FBXL2: variants seen among roughly 807,000 people sequenced by gnomAD.
FBXL2 encodes the protein F-box and leucine rich repeat protein 2, also known as F-box/LRR-repeat protein 2.
FBXL2 carries 38 observed loss-of-function variants against 69.2 expected under a neutral mutation model. That is an observed-to-expected ratio of 0.55 (90% CI 0.42 to 0.72). FBXL2 has a LOEUF of 0.72. FBXL2 is among the 30% of genes least tolerant of loss of function. The pLI is 0.00. For missense variants in FBXL2, 354 were observed against 520.3 expected, an observed-to-expected ratio of 0.68 and a Z score of 3.11; for synonymous variants, 192 against 201.3, an observed-to-expected ratio of 0.95 and a Z score of 0.39.
At chr3:33,392,169 CACT>C (rs1297667581), downstream of FBXL2, 1 of 163,554 alleles carries the variant, frequency 6.1e-6, no homozygotes, top group Non-Finnish European at 1.3e-5. Flanking sequence ...AGTACCCCCA[CACT>C]TTCCTGTTCC....
At chr3:33,359,982 T>C (rs2154041531) in intron 4 of FBXL2, among the ~76,000 whole-genome samples, 1 of 152,308 alleles carries the variant, frequency 6.6e-6, no homozygotes. Context: ...TGATATTCAA[T>C]ACTAAATTTC....
downstream of FBXL2, chr3:33,388,744 AG>A (rs2043631790): frequency 6.6e-6 from 1 of 152,260 alleles, no homozygotes; most frequent in Non-Finnish European, 1.5e-5. Flanking sequence ...TAGGATCTAT[AG>A]GAGTTACAGA....
At chr3:33,350,478 G>A (rs190973954) in intron 2 of FBXL2, among the ~76,000 whole-genome samples, 3 of 151,672 alleles carry the variant, frequency 2.0e-5, no homozygotes, top group Admixed American at 6.6e-5. Context: ...TGTTGCCCAG[G>A]CTGGAGTGCA....
At chr3:33,372,926 T>G in intron 5 of FBXL2, 166 bp from the exon 6 acceptor site, 1 of 668,022 alleles carries the variant, frequency 1.5e-6, no homozygotes, top group Non-Finnish European at 2.7e-6. Flanking sequence ...TCGAGCCCCA[T>G]TCTAGATCTA....
chr3:33,394,383 G>A (rs2043885520), intron 12 of FBXL2, among the ~76,000 whole-genome samples: 1 of 151,914 alleles, frequency 6.6e-6, no homozygotes, highest in Non-Finnish European at 1.5e-5. Flanking sequence ...CCTACTACTA[G>A]GAATTTATCC....
At chr3:33,290,610 T>C (rs1427802654) in intron 1 of FBXL2, among the ~76,000 whole-genome samples, 1 of 152,180 alleles carries the variant, frequency 6.6e-6, no homozygotes, top group African/African-American at 2.4e-5. Flanking sequence ...AAGAATTCAT[T>C]TGATAGGCTT....
chr3:33,302,168 T>C (rs1297338072), intron 2 of FBXL2, among the ~76,000 whole-genome samples: 1 of 152,232 alleles, frequency 6.6e-6, no homozygotes, highest in African/African-American at 2.4e-5. Context: ...TAATATATGC[T>C]ACTGCTAACA....
At chr3:33,283,565 A>G (rs1052218434) in intron 1 of FBXL2, among the ~76,000 whole-genome samples, 7 of 152,188 alleles carry the variant, frequency 4.6e-5, no homozygotes, top group African/African-American at 1.4e-4. Context: ...GGCCTCATAA[A>G]ATGAGTTAGG....
chr3:33,364,514 T>C, intron 4 of FBXL2, 111 bp from the exon 5 acceptor site: 1 of 955,488 alleles, frequency 1.0e-6, no homozygotes, highest in Non-Finnish European at 1.7e-6. Context: ...CAAAATATTT[T>C]CTGTTACACT....
chr3:33,307,538 A>G (rs1352300958), intron 2 of FBXL2, among the ~76,000 whole-genome samples: 3 of 152,110 alleles, frequency 2.0e-5, no homozygotes, highest in Non-Finnish European at 4.4e-5. Flanking sequence ...TGTAGATTAG[A>G]TAATAGTAAT....
intron 2 of FBXL2, among the ~76,000 whole-genome samples, chr3:33,318,990 C>T (rs1006934340): frequency 5.9e-5 from 9 of 152,162 alleles, no homozygotes; most frequent in Non-Finnish European, 4.4e-5. Flanking sequence ...ATTTGGTGAG[C>T]AGCTAGCAGT....
the FBXL2 span, chr3:33,412,789 T>C: frequency 6.2e-7 from 1 of 1,614,136 alleles, no homozygotes; most frequent in African/African-American, 1.3e-5. Context: ...GCTCTGTGTA[T>C]TGTAGCCGTC....
chr3:33,373,588 C>A lies in FBXL2; in HGVS notation c.466C>A (p.Arg156=). The change falls in exon 8 of 15, where the codon CGA becomes AGA. Residue 156 remains arginine (R), a synonymous_variant. Coordinates refer to ENST00000484457, the MANE Select transcript of FBXL2 (RefSeq NM_012157.5). ...SSLKGISEGC[R]NLEYLNLSWC... ...TTCTTGTTCTCTCAGTGAGGGCTGC[C>A]GAAACCTGGAGTACCTGAACCTCTC... 1 of 1,614,088 alleles carries A rather than the reference C, an allele frequency of 6.2e-7. No individual in the cohort carries two copies. Among genetic ancestry groups the A allele is most frequent in the South Asian group, 1.1e-5 (1 of 91,040 alleles).
intron 2 of FBXL2, among the ~76,000 whole-genome samples, chr3:33,306,693 T>G (rs578151834): frequency 6.6e-6 from 1 of 152,164 alleles, no homozygotes; most frequent in Non-Finnish European, 1.5e-5. Flanking sequence ...TTCCATCCTT[T>G]ATATTTCTTG....
intron 2 of FBXL2, among the ~76,000 whole-genome samples, chr3:33,301,096 T>C (rs986908192): frequency 2.0e-5 from 3 of 152,172 alleles, no homozygotes; most frequent in Non-Finnish European, 4.4e-5. Context: ...TTCCACAACA[T>C]TGGGTGTAAC....
At chr3:33,345,953 G>T (rs544641710) in intron 2 of FBXL2, among the ~76,000 whole-genome samples, 11 of 152,278 alleles carry the variant, frequency 7.2e-5, no homozygotes, top group African/African-American at 2.4e-4. Context: ...CTGGCCAGGT[G>T]TGGTGGCTCA....
chr3:33,347,214 C>A (rs1425938028), intron 2 of FBXL2, among the ~76,000 whole-genome samples: 1 of 152,212 alleles, frequency 6.6e-6, no homozygotes, highest in Admixed American at 6.5e-5. Flanking sequence ...GAAGTGAGAA[C>A]ATGTGAAGTT....
chr3:33,368,301 T>C (rs372302286), intron 5 of FBXL2, among the ~76,000 whole-genome samples: 12 of 152,346 alleles, frequency 7.9e-5, no homozygotes, highest in East Asian at 7.7e-4. Flanking sequence ...AGTATTGAAA[T>C]ATCTGCCTAT....
chr3:33,408,717 G>A, the FBXL2 span: 2 of 1,613,856 alleles, frequency 1.2e-6, no homozygotes, highest in South Asian at 1.1e-5. Flanking sequence ...GAGAATCACC[G>A]TAGTCTGCTG....
Sources: allele counts gnomAD v4.1 joint callset (sites outside exome capture counted in the v4.1 genomes callset), GRCh38; gene constraint gnomAD v4.1.1; transcripts MANE v1.5; gene names NCBI Gene and HGNC (gene_info 2026-07-23, HGNC 2026-07-21).